INSR: variants seen among roughly 807,000 people sequenced by gnomAD.
INSR encodes IR.
INSR carries 67 observed loss-of-function variants against 142.6 expected under a neutral mutation model. The observed-to-expected ratio is 0.47, with a 90% CI of 0.39 to 0.58. The LOEUF is 0.58. Ranked by LOEUF, INSR falls within the 20% of genes least tolerant of loss-of-function variation. The pLI is 0.00. For missense variants in INSR, 1,248 were observed against 1,833.2 expected, an observed-to-expected ratio of 0.68 and a Z score of 5.83; for synonymous variants, 756 against 743.1, an observed-to-expected ratio of 1.02 and a Z score of -0.28.
At chr19:7,160,817 G>A (rs1973728551) in intron 9 of INSR, among the ~76,000 whole-genome samples, 1 of 151,664 alleles carries the variant, frequency 6.6e-6, no homozygotes, top group Non-Finnish European at 1.5e-5. Context: ...GGCCAACATG[G>A]TGAAACCCCG....
chr19:7,198,881 C>A (rs977133906), intron 2 of INSR, among the ~76,000 whole-genome samples: 2 of 134,746 alleles, frequency 1.5e-5, no homozygotes, highest in Admixed American at 8.0e-5. Context: ...ACATTCACCC[C>A]CATAAATACA....
At chr19:7,215,729 G>C (rs4804099) in intron 2 of INSR, among the ~76,000 whole-genome samples, 3 of 151,638 alleles carry the variant, frequency 2.0e-5, no homozygotes, top group African/African-American at 7.3e-5. Context: ...CACCACGCCT[G>C]GCTAATTTTT....
At chr19:7,214,687 T>C (rs891931425) in intron 2 of INSR, among the ~76,000 whole-genome samples, 1 of 152,144 alleles carries the variant, frequency 6.6e-6, no homozygotes, top group Non-Finnish European at 1.5e-5. Flanking sequence ...ATCCACTCAA[T>C]GACCATAGAG....
In INSR at chr19:7,166,809, A is replaced by T. The variant is rs182740789; in HGVS notation, c.1611-405T>A. Among the ~76,000 whole-genome samples the T allele has an allele frequency of 1.9e-4, 29 of 152,166 alleles. No homozygotes were observed. The highest frequency in any genetic ancestry group is 6.5e-4 in the African/African-American group (27 of 41,540). ...GTGGCAGATGCTTGTAATCCCAGCT[A>T]TTCAGGAGGTTGAGGCAGGAGAATT... On this transcript the variant is annotated intron_variant, in intron 7 of 21. Coordinates refer to ENST00000302850, the MANE Select transcript of INSR (RefSeq NM_000208.4). This position sits in a 1 kb window ranked among gnomAD's most constrained non-coding sequence, Gnocchi z 4.1.
intron 13 of INSR, among the ~76,000 whole-genome samples, chr19:7,133,343 T>C (rs2144835344): frequency 6.6e-6 from 1 of 152,338 alleles, no homozygotes; most frequent in South Asian, 2.1e-4. Context: ...GTATAAATTG[T>C]GGAATGATTA....
Position 7,220,124 on chromosome 19 carries a change from A to G in INSR, c.653-35487T>C, listed in dbSNP as rs367600611. On this transcript the variant is annotated intron_variant, in intron 2 of 21. Coordinates refer to ENST00000302850, the MANE Select transcript of INSR (RefSeq NM_000208.4). ...TGGCTCTGGGAATAGAGTCCACACA[A>G]TGAGGTCTGAGTGGCTTCCCAAGCA... Among the ~76,000 whole-genome samples, 22 of 152,238 alleles carry G rather than the reference A, an allele frequency of 1.4e-4. 1 individual carries two copies. The highest frequency in any genetic ancestry group is 1.1e-3 in the Admixed American group (17 of 15,290).
chr19:7,132,125 C>G (rs35169098), intron 14 of INSR, 33 bp downstream of exon 14: 6 of 1,613,490 alleles, frequency 3.7e-6, no homozygotes, highest in Admixed American at 1.7e-5. Context: ...CTAAGCACAG[C>G]CCCAGTCAGC....
intron 2 of INSR, among the ~76,000 whole-genome samples, chr19:7,191,310 AAAGAAAG>A (rs1974580335): frequency 6.9e-6 from 1 of 144,056 alleles, no homozygotes; most frequent in Non-Finnish European, 1.5e-5. Flanking sequence ...AAGAAAAGAG[AAAGAAAG>A]AAAGAAAAAG....
At chr19:7,243,394 C>T (rs957245283) in intron 2 of INSR, among the ~76,000 whole-genome samples, 9 of 151,456 alleles carry the variant, frequency 5.9e-5, no homozygotes, top group East Asian at 3.9e-4. Flanking sequence ...TACAGGCGTG[C>T]GCCACCACAC....
Position 7,139,821 on chromosome 19 carries a change from CTTTTTTT to C in INSR, c.2682+1849_2682+1855del, listed in dbSNP as rs10673049. Among the ~76,000 whole-genome samples, 4 of 115,726 alleles carry C rather than the reference CTTTTTTT, an allele frequency of 3.5e-5. No homozygotes were observed. The South Asian group carries it at 1.1e-3, about 32-fold the overall frequency. 75.9% of individuals were successfully genotyped at this position (115,726 alleles called of 152,430 possible). A position where few individuals can be genotyped will look rare whatever the true frequency, so the allele number is the denominator to read the frequency against. On this transcript the variant is annotated intron_variant, in intron 13 of 21. Coordinates refer to ENST00000302850, the MANE Select transcript of INSR (RefSeq NM_000208.4). ...CCACATATAGTCTCTGTTGCGTATT[CTTTTTTT>C]TTTTTTTTTTTTTGAGACAGAGTCT...
rs952161141 is a variant in INSR at position 7,158,371 on chromosome 19, G to A, written c.2029+4661C>T. On this transcript the variant is annotated intron_variant, in intron 9 of 21. Coordinates refer to ENST00000302850, the MANE Select transcript of INSR (RefSeq NM_000208.4). ...AAAAAATTAGCCGGGCGTGGTGGCGGGCGCCTGTAGTCCCAGCTACTCGGG... is the reference window on the plus strand; with the variant it reads ...AAAAAATTAGCCGGGCGTGGTGGCGAGCGCCTGTAGTCCCAGCTACTCGGG... Among the ~76,000 whole-genome samples the A allele has an allele frequency of 1.2e-4, 19 of 152,090 alleles. No individual in the cohort carries two copies. The East Asian group carries it at 3.5e-3, about 28-fold the overall frequency.
chr19:7,117,120 G>A lies in INSR; in HGVS notation c.4085C>T (p.Thr1362Ile). ...GTTTTTCTTGCCTCCGTTCATGTGT[G>A]TGTAAGGGATGTGTTCCTCGTAGCT... ...KRSYEEHIPY[T>I]HMNGGKKNGR... The change falls in exon 22 of 22, where the codon ACA (threonine) becomes ATA (isoleucine). Residue 1362 changes from threonine (T) to isoleucine (I), a missense_variant. Around this residue, in one of 3 missense-constraint regions of INSR, gnomAD observed 122 missense variants for 129.8 expected, o/e 0.94. Coordinates refer to ENST00000302850, the MANE Select transcript of INSR (RefSeq NM_000208.4). 1.9e-6 allele frequency: 3 copies of A among 1,614,156 alleles called. No homozygotes were observed. Among genetic ancestry groups the A allele is most frequent in the Non-Finnish European group, 2.5e-6 (3 of 1,180,034 alleles).
At chr19:7,235,290 G>A (rs1229438229) in intron 2 of INSR, among the ~76,000 whole-genome samples, 1 of 152,000 alleles carries the variant, frequency 6.6e-6, no homozygotes. Context: ...TTAGACCACT[G>A]CTATGCTCTC....
At chr19:7,265,766 G>T (rs1328939790) in intron 2 of INSR, among the ~76,000 whole-genome samples, 49 of 151,514 alleles carry the variant, frequency 3.2e-4, no homozygotes, top group Non-Finnish European at 1.5e-5. Flanking sequence ...AATATAAAAT[G>T]TAGAGAAAAA....
chr19:7,189,036 A>G (rs771245952), intron 2 of INSR, among the ~76,000 whole-genome samples: 1 of 152,164 alleles, frequency 6.6e-6, no homozygotes, highest in Non-Finnish European at 1.5e-5. Context: ...GAGGGTATCT[A>G]TAATTATCAT....
At chr19:7,213,830 A>T (rs1209000646) in intron 2 of INSR, among the ~76,000 whole-genome samples, 3 of 152,140 alleles carry the variant, frequency 2.0e-5, no homozygotes, top group Non-Finnish European at 4.4e-5. Context: ...TCTAGTAAAG[A>T]TACAAAAAAT....
At chr19:7,128,742 A>G in intron 15 of INSR, 110 bp downstream of exon 15, 1 of 752,062 alleles carries the variant, frequency 1.3e-6, no homozygotes, top group Non-Finnish European at 2.4e-6. Context: ...TACACATCCT[A>G]TATCAGCAAA....
chr19:7,185,459 G>A (rs1974400778), intron 2 of INSR, among the ~76,000 whole-genome samples: 1 of 151,046 alleles, frequency 6.6e-6, no homozygotes, highest in Non-Finnish European at 1.5e-5. Flanking sequence ...CACTAATCTA[G>A]ATACTGTGGC....
In INSR at chr19:7,150,376, A is replaced by C; in HGVS notation, c.2267+121T>G. 1.2e-6 allele frequency: 1 copy of C among 839,034 alleles called. No homozygotes were observed. Among genetic ancestry groups the C allele is most frequent in the Non-Finnish European group, 2.0e-6 (1 of 501,196 alleles). 52.0% of individuals were successfully genotyped at this position (839,034 alleles called of 1,614,324 possible). A position where few individuals can be genotyped will look rare whatever the true frequency, so the allele number is the denominator to read the frequency against. On this transcript the variant is annotated intron_variant, in intron 11 of 21. Coordinates refer to ENST00000302850, the MANE Select transcript of INSR (RefSeq NM_000208.4). The surrounding 1 kb of genome is among the most constrained non-coding windows in gnomAD (Gnocchi z 4.2). ...TGAATTGGTGAAGCATCTGCTCTCC[A>C]GCACAGCTGCCCGCCGCATGCAAAA...
Sources: gnomAD v4.1 joint callset for allele counts (sites outside exome capture counted in the v4.1 genomes callset) on GRCh38, gnomAD v4.1.1 for gene constraint, gnomAD v4.1.1 regional missense constraint, Gnocchi (gnomAD v3.1) non-coding constraint, MANE v1.5 for transcripts, NCBI Gene and HGNC (gene_info 2026-07-23, HGNC 2026-07-21) for gene names.